The following PSMC4 variants were observed in gnomAD, a reference collection of about 807,000 sequenced individuals.
PSMC4 encodes the protein proteasome 26S subunit, ATPase 4.
Under a neutral mutation model 48.4 loss-of-function variants are expected in PSMC4, and 13 were observed. The ratio of observed to expected loss-of-function variants is 0.27; its 90% CI spans 0.18 to 0.43. The LOEUF (loss-of-function observed/expected upper bound fraction) is 0.43. PSMC4 is among the 20% of genes least tolerant of loss of function. The pLI is 1.00. For synonymous variants in PSMC4, 202 were observed against 212.3 expected (o/e 0.95, Z 0.42); for missense variants, 262 against 555.9 (o/e 0.47, Z 5.32).
At position 39,972,163 on chromosome 19, in the gene PSMC4, G is replaced by A. The variant is rs1218549301; in HGVS notation, c.54G>A (p.Leu18=). The A allele has an allele frequency of 3.7e-6, 6 of 1,613,984 alleles. No individual in the cohort carries two copies. The highest frequency in any genetic ancestry group is 5.1e-6 in the Non-Finnish European group (6 of 1,179,990). ...TCGTCTAGGATGAGATCCCAGCACT[G>A]TCCGTGTCCCGGCCCCAGACCGGCC... is the stretch of plus-strand genomic sequence containing the variant. ...VEKAQDEIPA[L]SVSRPQTGLS... Residue 18 remains leucine, a synonymous_variant, in exon 2 of 11, where the codon CTG becomes CTA. Coordinates refer to ENST00000157812, the MANE Select transcript of PSMC4 (RefSeq NM_006503.4).
chr19:39,980,601 G>T lies in PSMC4; in HGVS notation c.1088-61G>T. Reference sequence around the variant, plus strand: ...GGAGGTGACAGAGATGGCCAAAGATGACTTCCAGCCCCAGGCATTTACCCC... The same window carrying T: ...GGAGGTGACAGAGATGGCCAAAGATTACTTCCAGCCCCAGGCATTTACCCC... On this transcript the variant is annotated intron_variant, in intron 9 of 10. Transcript: ENST00000157812. This position sits in a 1 kb window ranked among gnomAD's most constrained non-coding sequence, Gnocchi z 4.8. The T allele has an allele frequency of 6.3e-7, 1 of 1,599,850 alleles. No homozygotes were observed. Among genetic ancestry groups the T allele is most frequent in the South Asian group, 1.1e-5 (1 of 90,756 alleles).
chr19:39,980,838 CTT>C lies in PSMC4; in HGVS notation c.1143+122_1143+123del. ...CCTGGGTCGTGGGCGCCATCTCTCT[CTT>C]CCTCTACCATCACTAGGGGTGGATA... On this transcript the variant is annotated intron_variant, in intron 10 of 10. Transcript: ENST00000157812. The surrounding 1 kb of genome is among the most constrained non-coding windows in gnomAD (Gnocchi z 4.8). 1 of 962,630 alleles carries C rather than the reference CTT, an allele frequency of 1.0e-6. No homozygotes were observed. Among genetic ancestry groups the C allele is most frequent in the Non-Finnish European group, 1.7e-6 (1 of 596,654 alleles). 59.6% of individuals were successfully genotyped at this position (962,630 alleles called of 1,614,324 possible). A position where few individuals can be genotyped will look rare whatever the true frequency, so the allele number is the denominator to read the frequency against.
At position 39,971,247 on chromosome 19, in the gene PSMC4, G is replaced by A. The variant is rs777305995; in HGVS notation, c.36+9G>A. ...TGGTGGAGAAGGCTCAGGTACAGTGGGGACTTGGGCTTTTTAGTCCGGGCC... is the reference window on the plus strand; with the variant it reads ...TGGTGGAGAAGGCTCAGGTACAGTGAGGACTTGGGCTTTTTAGTCCGGGCC... On this transcript the variant is annotated intron_variant, in intron 1 of 10. Transcript: ENST00000157812. 20 of 1,614,176 alleles carry A rather than the reference G, an allele frequency of 1.2e-5. No homozygotes were observed. In the South Asian group the frequency reaches 2.1e-4, roughly 17 times the overall value.
rs1235337557 is a variant in PSMC4, at chr19:39,980,168, AG to A, written c.918+26del. The A allele has an allele frequency of 6.2e-7, 1 of 1,613,932 alleles. No homozygotes were observed. The highest frequency in any genetic ancestry group is 8.5e-7 in the Non-Finnish European group (1 of 1,179,924). On this transcript the variant is annotated intron_variant, in intron 8 of 10. Coordinates refer to ENST00000157812, the MANE Select transcript of PSMC4 (RefSeq NM_006503.4). This position sits in a 1 kb window ranked among gnomAD's most constrained non-coding sequence, Gnocchi z 4.8. ...CAAGGTTTGGGGTTTGGGATGGACAAGGGGAGGTGTGGTGTAGGAACTGGGG... is the reference window on the plus strand; with the variant it reads ...CAAGGTTTGGGGTTTGGGATGGACAAGGGAGGTGTGGTGTAGGAACTGGGG...
chr19:39,975,955 G>A (rs1971190704), intron 6 of PSMC4, among the ~76,000 whole-genome samples: 1 of 152,120 alleles, frequency 6.6e-6, no homozygotes, highest in East Asian at 1.9e-4. Flanking sequence ...TGTTGTAGAT[G>A]CTAGAGACAT....
At position 39,981,468 on chromosome 19, in the gene PSMC4, C is replaced by G; in HGVS notation, c.*163C>G. On this transcript the variant is annotated 3_prime_UTR_variant, in exon 11 of 11. Transcript: ENST00000157812. ...TTAATTTCTTCTTAGAAGTTTAACT[C>G]CTTTGGAGAATGTGGGCCTTGAATA... is the stretch of plus-strand genomic sequence containing the variant. The G allele has an allele frequency of 1.7e-6, 1 of 580,584 alleles. No individual in the cohort carries two copies. The allele number at this position is 580,584 out of a possible 1,614,324, so 36.0% of individuals were successfully genotyped here.
chr19:39,980,794 C>CATGAGGGGACAGGACTGCAG lies in PSMC4; in HGVS notation c.1143+77_1143+78insATGAGGGGACAGGACTGCAG. ...CTTCTCTGAACCACTCTGCTGCAGT[C>CATGAGGGGACAGGACTGCAG]CTGTCCCCTCATGGCTGCCCTGGGT... On this transcript the variant is annotated intron_variant, in intron 10 of 10. Transcript: ENST00000157812. The surrounding 1 kb of genome is among the most constrained non-coding windows in gnomAD (Gnocchi z 4.8). 1.4e-6 allele frequency: 2 copies of CATGAGGGGACAGGACTGCAG among 1,448,826 alleles called. No individual in the cohort carries two copies. The highest frequency in any genetic ancestry group is 9.7e-7 in the Non-Finnish European group (1 of 1,030,360). The allele number at this position is 1,448,826 out of a possible 1,614,324, so 89.7% of individuals were successfully genotyped here. A position where few individuals can be genotyped will look rare whatever the true frequency, so the allele number is the denominator to read the frequency against.
intron 3 of PSMC4, among the ~76,000 whole-genome samples, chr19:39,973,991 T>G (rs928960973): frequency 6.6e-6 from 1 of 152,048 alleles, no homozygotes; most frequent in East Asian, 1.9e-4. Flanking sequence ...AGGCTGCTGG[T>G]CAGCCAGGTC....
intron 1 of PSMC4, among the ~76,000 whole-genome samples, chr19:39,971,493 C>G (rs934800200): frequency 6.6e-6 from 1 of 152,010 alleles, no homozygotes; most frequent in Non-Finnish European, 1.5e-5. Flanking sequence ...GATTTCGAAC[C>G]CTGGCCGGTA....
chr19:39,979,648 C>A (rs1433606465), intron 6 of PSMC4, 169 bp from the exon 7 acceptor site: 1 of 516,672 alleles, frequency 1.9e-6, no homozygotes, highest in Non-Finnish European at 3.1e-6. Context: ...GATGGCTATT[C>A]CTCAGGGCTG....
At chr19:39,971,368 GGA>G (rs939691357) in intron 1 of PSMC4, 130 bp downstream of exon 1, 14 of 1,112,790 alleles carry the variant, frequency 1.3e-5, no homozygotes, top group African/African-American at 9.3e-5. Flanking sequence ...AGGCCTCGGT[GGA>G]GAGCTTTGTG....
At chr19:39,976,763 C>G (rs772096962) in intron 6 of PSMC4, among the ~76,000 whole-genome samples, 1 of 152,102 alleles carries the variant, frequency 6.6e-6, no homozygotes, top group East Asian at 1.9e-4. Flanking sequence ...CCCGCCTGGG[C>G]CTTCCAAAGT....
intron 1 of PSMC4, 25 bp downstream of exon 1, chr19:39,971,263 A>C: frequency 1.2e-6 from 2 of 1,613,886 alleles, no homozygotes; most frequent in Non-Finnish European, 1.7e-6. Flanking sequence ...TGGGCTTTTT[A>C]GTCCGGGCCG....
intron 6 of PSMC4, among the ~76,000 whole-genome samples, chr19:39,977,116 A>G (rs1441595718): frequency 6.7e-6 from 1 of 150,140 alleles, no homozygotes; most frequent in Non-Finnish European, 1.5e-5. Flanking sequence ...GCCTCCCAAA[A>G]TTCTGGGATT....
chr19:39,974,891 C>A lies in PSMC4; in HGVS notation c.673+63C>A. Reference sequence around the variant, plus strand: ...TGGCCTCTTCGCCTTGCTCCCTGCTCGCTCACTGGCACTGCACAGTAATTA... The same window carrying A: ...TGGCCTCTTCGCCTTGCTCCCTGCTAGCTCACTGGCACTGCACAGTAATTA... On this transcript the variant is annotated intron_variant, in intron 6 of 10. Transcript: ENST00000157812. The surrounding 1 kb of genome is among the most constrained non-coding windows in gnomAD (Gnocchi z 5.5). The A allele has an allele frequency of 6.9e-7, 1 of 1,445,288 alleles. No homozygotes were observed. The allele number at this position is 1,445,288 out of a possible 1,614,324, so 89.5% of individuals were successfully genotyped here.
chr19:39,972,698 C>CATATATATATATATACACAT lies in PSMC4; in HGVS notation c.322+152_322+171dup, dbSNP rs1599726168. On this transcript the variant is annotated intron_variant, in intron 3 of 10. Transcript: ENST00000157812. Reference sequence around the variant, plus strand: ...ACTGATCGAAAGGTAGAAATACATACATATATATATATATACACATATATA... The same window carrying CATATATATATATATACACAT: ...ACTGATCGAAAGGTAGAAATACATACATATATATATATATACACATATATATATATATATACACATATATA... 5.7e-6 allele frequency: 3 copies of CATATATATATATATACACAT among 523,198 alleles called. No homozygotes were observed. In the East Asian group the frequency reaches 9.4e-5, roughly 16 times the overall value. The allele number at this position is 523,198 out of a possible 1,614,324, so 32.4% of individuals were successfully genotyped here.
At chr19:39,975,574 C>T (rs1971184304) in intron 6 of PSMC4, among the ~76,000 whole-genome samples, 1 of 152,046 alleles carries the variant, frequency 6.6e-6, no homozygotes, top group Non-Finnish European at 1.5e-5. Flanking sequence ...TTTTCTGGGG[C>T]TAGACTGCCT....
chr19:39,978,022 G>A (rs1391334809), intron 6 of PSMC4, among the ~76,000 whole-genome samples: 1 of 152,022 alleles, frequency 6.6e-6, no homozygotes, highest in East Asian at 1.9e-4. Context: ...ACAGGGTCTT[G>A]CTATGTTGCC....
intron 1 of PSMC4, 91 bp from the exon 2 acceptor site, chr19:39,972,055 G>A: frequency 8.3e-7 from 1 of 1,197,896 alleles, no homozygotes; most frequent in Non-Finnish European, 1.2e-6. Context: ...ACATCAGGGT[G>A]AAGTGGGGAG....
Sources: allele counts gnomAD v4.1 joint callset (sites outside exome capture counted in the v4.1 genomes callset), GRCh38; gene constraint gnomAD v4.1.1; non-coding constraint Gnocchi (gnomAD v3.1); transcripts MANE v1.5; gene names NCBI Gene and HGNC (gene_info 2026-07-23, HGNC 2026-07-21).